The following PMF1 variants were observed in gnomAD, a reference collection of about 807,000 sequenced individuals.
PMF1 encodes polyamine-modulated factor 1.
A neutral mutation model predicts 26.7 loss-of-function variants in PMF1; 21 were observed. The ratio of observed to expected loss-of-function variants is 0.79; its 90% CI spans 0.56 to 1.13. PMF1 has a LOEUF of 1.13. PMF1 is among the 50% of genes most tolerant of loss of function. PMF1 has a pLI of 0.00. For synonymous variants in PMF1, 105 were observed against 101.0 expected (o/e 1.04, Z -0.24); for missense variants, 266 against 254.9 (o/e 1.04, Z -0.30).
At position 156,225,571 on chromosome 1, in the gene PMF1, A is replaced by G. The variant is rs564157541; in HGVS notation, c.162-6749A>G. ...TTTGTTCTCAGCTCTCCACTCCTTC[A>G]TTGGGACGGAAGTGCTGGTCCCCGC... On this transcript the variant is annotated intron_variant, in intron 1 of 4. Transcript: ENST00000368277. 2.9e-5 allele frequency: 45 copies of G among 1,553,550 alleles called. No homozygotes were observed. In the South Asian group the frequency reaches 4.3e-4, roughly 15 times the overall value.
Position 156,239,594 on chromosome 1 carries a change from C to T in PMF1, c.611C>T (p.Pro204Leu), listed in dbSNP as rs1659232445. Residue 204 changes from proline to leucine, a missense_variant, in exon 5 of 5, where the codon CCT becomes CTT. Transcript: ENST00000368277. ...GAGCTGGTTGCTGTGCTGAGGGAGC[C>T]TGAGTGAGGAGACCGCCAGCCCCAG... ...QRELVAVLRE[P>L]E 1 of 1,612,268 alleles carries T rather than the reference C, an allele frequency of 6.2e-7. No individual in the cohort carries two copies. Among genetic ancestry groups the T allele is most frequent in the Non-Finnish European group, 8.5e-7 (1 of 1,179,760 alleles).
At chr1:156,238,244 ATT>A (rs1659151782) in intron 4 of PMF1, among the ~76,000 whole-genome samples, 1 of 152,172 alleles carries the variant, frequency 6.6e-6, no homozygotes, top group South Asian at 2.1e-4. Flanking sequence ...GCTCAGGATT[ATT>A]TTGACTATCT....
intron 1 of PMF1, among the ~76,000 whole-genome samples, chr1:156,220,318 C>G (rs1658012645): frequency 6.6e-6 from 1 of 152,166 alleles, no homozygotes; most frequent in Non-Finnish European, 1.5e-5. Context: ...CCTCAGCGTC[C>G]TGAGTAGCTG....
intron 4 of PMF1, 188 bp downstream of exon 4, chr1:156,236,671 A>G (rs1659035718): frequency 4.1e-6 from 3 of 732,278 alleles, no homozygotes; most frequent in African/African-American, 3.6e-5. Context: ...CTCAGCAGAC[A>G]GTCTCCCCCA....
intron 1 of PMF1, among the ~76,000 whole-genome samples, chr1:156,224,900 AT>A (rs34315812): frequency 4.8e-4 from 72 of 148,670 alleles, no homozygotes; most frequent in Non-Finnish European, 7.9e-4. Flanking sequence ...CAAATGGAGA[AT>A]TTTTTTTTTT....
intron 1 of PMF1, among the ~76,000 whole-genome samples, chr1:156,224,704 T>C (rs1391070981): frequency 6.6e-6 from 1 of 150,874 alleles, no homozygotes; most frequent in Admixed American, 6.6e-5. Context: ...GCGGAGCTTG[T>C]AGTGAGCCGA....
intron 4 of PMF1, chr1:156,237,112 G>T (rs955072900): frequency 6.5e-6 from 1 of 152,920 alleles, no homozygotes; most frequent in Non-Finnish European, 1.5e-5. Context: ...TCTGAGATGG[G>T]GGTCTCGCTA....
At chr1:156,223,435 G>A (rs1421927019) in intron 1 of PMF1, 1 of 152,194 alleles carries the variant, frequency 6.6e-6, no homozygotes, top group African/African-American at 2.4e-5. Context: ...CAGATGGCCT[G>A]GATTGAGTCC....
intron 1 of PMF1, among the ~76,000 whole-genome samples, chr1:156,229,007 C>G (rs1438097481): frequency 6.6e-6 from 1 of 152,132 alleles, no homozygotes; most frequent in Non-Finnish European, 1.5e-5. Flanking sequence ...CTCCCAGGTT[C>G]AAGTGATTCT....
chr1:156,216,960 A>G (rs1252989275), intron 1 of PMF1, among the ~76,000 whole-genome samples: 1 of 152,176 alleles, frequency 6.6e-6, no homozygotes, highest in Non-Finnish European at 1.5e-5. Context: ...GGAAATCATC[A>G]TTCTCAGTAA....
chr1:156,233,629 A>T lies in PMF1; in HGVS notation c.269A>T (p.Glu90Val). ...FIAQLQTSIREEISDIKEEGN... is the reference protein window; with the variant it reads ...FIAQLQTSIRVEISDIKEEGN... ...AGCTCTTTCCTCCTTTCTCTTCAGG[A>T]GGAAATCTCTGACATCAAAGAGGAG... Residue 90 changes from glutamate (E) to valine (V), a missense_variant and splice_region_variant, in exon 3 of 5, where the codon GAG (glutamate) becomes GTG (valine). Glu to Val is a moderately radical substitution (Grantham distance 121). Coordinates refer to ENST00000368277, the MANE Select transcript of PMF1 (RefSeq NM_007221.4). 1 of 1,613,736 alleles carries T rather than the reference A, an allele frequency of 6.2e-7. No individual in the cohort carries two copies. The highest frequency in any genetic ancestry group is 8.5e-7 in the Non-Finnish European group (1 of 1,179,824).
At chr1:156,228,256 AT>A (rs772709878) in intron 1 of PMF1, among the ~76,000 whole-genome samples, 125 of 33,530 alleles carry the variant, frequency 3.7e-3, no homozygotes, top group African/African-American at 8.4e-3. Context: ...GCACCTGGCG[AT>A]TTTTTTTTTT....
chr1:156,235,835 A>G (rs961808819), intron 3 of PMF1, among the ~76,000 whole-genome samples: 3 of 152,166 alleles, frequency 2.0e-5, no homozygotes, highest in Admixed American at 2.0e-4. Context: ...CAGATCAGCC[A>G]ACACTTATGG....
At chr1:156,216,262 A>G (rs965148356) in intron 1 of PMF1, among the ~76,000 whole-genome samples, 2 of 152,050 alleles carry the variant, frequency 1.3e-5, no homozygotes, top group Non-Finnish European at 2.9e-5. Context: ...CTAGTGGCGC[A>G]TGCCTGTAAT....
At chr1:156,221,415 T>C (rs531534034) in intron 1 of PMF1, among the ~76,000 whole-genome samples, 22 of 152,354 alleles carry the variant, frequency 1.4e-4, no homozygotes, top group African/African-American at 5.1e-4. Flanking sequence ...TTTGTCATGA[T>C]AGACACCGGT....
chr1:156,221,067 C>T lies in PMF1; in HGVS notation c.161+7891C>T, dbSNP rs183953307. Among the ~76,000 whole-genome samples the T allele has an allele frequency of 8.3e-3, 1,265 of 152,298 alleles. 6 individuals are homozygous for T. The highest frequency in any genetic ancestry group is 0.014 in the Non-Finnish European group (970 of 68,032). The stretch of plus-strand genomic sequence containing the variant: ...TGGTTTCCGACGTCATTCTCTGCCC[C>T]TTTACCTGACTAGCTGCTCCTTCCC... On this transcript the variant is annotated intron_variant, in intron 1 of 4. Coordinates refer to ENST00000368277, the MANE Select transcript of PMF1 (RefSeq NM_007221.4).
At position 156,233,609 on chromosome 1, in the gene PMF1, T is replaced by A. The variant is rs769184480; in HGVS notation, c.268-19T>A. On this transcript the variant is annotated intron_variant, in intron 2 of 4. Coordinates refer to ENST00000368277, the MANE Select transcript of PMF1 (RefSeq NM_007221.4). ...AGCTCATCTCGTGTCATTACAGCTC[T>A]TTCCTCCTTTCTCTTCAGGAGGAAA... 1.2e-6 allele frequency: 2 copies of A among 1,612,796 alleles called. No homozygotes were observed. Among genetic ancestry groups the A allele is most frequent in the East Asian group, 4.5e-5 (2 of 44,868 alleles).
At chr1:156,223,162 A>G (rs888542623) in intron 1 of PMF1, among the ~76,000 whole-genome samples, 5 of 152,216 alleles carry the variant, frequency 3.3e-5, no homozygotes, top group African/African-American at 9.6e-5. Context: ...GTGTGGCTCC[A>G]GGCCTGGCAT....
In PMF1 at chr1:156,239,586, G is replaced by A; in HGVS notation, c.603G>A (p.Leu201=). ...AACAGAGGGAGCTGGTTGCTGTGCT[G>A]AGGGAGCCTGAGTGAGGAGACCGCC... The part of the protein sequence containing the change: ...HREQRELVAV[L]REPE The change falls in exon 5 of 5, where the codon CTG becomes CTA. Residue 201 remains leucine (L), a synonymous_variant. Transcript: ENST00000368277. The A allele has an allele frequency of 6.2e-7, 1 of 1,612,696 alleles. No individual in the cohort carries two copies. The highest frequency in any genetic ancestry group is 1.1e-5 in the South Asian group (1 of 90,934).
Sources: gnomAD v4.1 joint callset for allele counts (sites outside exome capture counted in the v4.1 genomes callset) on GRCh38, gnomAD v4.1.1 for gene constraint, MANE v1.5 for transcripts, NCBI Gene and HGNC (gene_info 2026-07-23, HGNC 2026-07-21) for gene names.